The following EED variants were observed in gnomAD, a reference collection of about 807,000 sequenced individuals.
EED encodes the protein embryonic ectoderm development.
EED carries 9 observed loss-of-function variants against 61.0 expected under a neutral mutation model. The observed-to-expected ratio is 0.15, with a 90% CI of 0.09 to 0.26. The LOEUF is 0.26. Ranked by LOEUF, EED falls within the 10% of genes least tolerant of loss-of-function variation. The probability of loss-of-function intolerance (pLI) is 1.00; values close to 1 mark genes in which losing one functional copy is unlikely to be tolerated. For missense variants in EED, 315 were observed against 542.3 expected (o/e 0.58, Z 4.16); for synonymous variants, 187 against 174.4 (o/e 1.07, Z -0.57).
At chr11:86,271,356 T>G (rs1390967225) in intron 9 of EED, among the ~76,000 whole-genome samples, 1 of 152,244 alleles carries the variant, frequency 6.6e-6, no homozygotes, top group African/African-American at 2.4e-5. Context: ...ATATAATTGA[T>G]TTTTGCATAT....
At chr11:86,264,344 A>C (rs1373687722) in intron 7 of EED, 81 bp downstream of exon 7, 1 of 1,016,098 alleles carries the variant, frequency 9.8e-7, no homozygotes, top group African/African-American at 1.6e-5. Flanking sequence ...CCTTATAAGA[A>C]AGTGTGTTTC....
At chr11:86,277,585 A>G (rs115006807) in intron 10 of EED, 2,147 of 190,916 alleles carry the variant, frequency 0.011, 54 homozygotes, top group African/African-American at 0.047. Context: ...TTGGGTATTT[A>G]TTTCTGTAAG....
At chr11:86,250,227 A>G (rs1945495291) in intron 1 of EED, 69 bp from the exon 2 acceptor site, 5 of 1,343,102 alleles carry the variant, frequency 3.7e-6, no homozygotes, top group Non-Finnish European at 4.9e-6. Flanking sequence ...GCATCTTCCC[A>G]GTAGAGTTAT....
At chr11:86,260,887 A>C (rs1945809268) in intron 6 of EED, among the ~76,000 whole-genome samples, 1 of 152,182 alleles carries the variant, frequency 6.6e-6, no homozygotes, top group Admixed American at 6.5e-5. Context: ...CTGGCATTAG[A>C]AAGTAAGAAC....
chr11:86,254,611 G>C (rs1416550111), intron 3 of EED, among the ~76,000 whole-genome samples: 1 of 150,548 alleles, frequency 6.6e-6, no homozygotes, highest in East Asian at 2.0e-4. Flanking sequence ...GAGCCACTGT[G>C]TCCGGACTTA....
downstream of EED, among the ~76,000 whole-genome samples, chr11:86,280,032 A>G (rs1258522472): frequency 2.6e-5 from 4 of 152,234 alleles, no homozygotes; most frequent in Non-Finnish European, 4.4e-5. Context: ...GGGTGAGAAT[A>G]TCATCTTTCC....
chr11:86,285,461 G>T, the EED span, among the ~76,000 whole-genome samples: 4 of 152,100 alleles, frequency 2.6e-5, no homozygotes, highest in African/African-American at 9.6e-5. Flanking sequence ...TAGGTTAAAG[G>T]TACTAACTAT....
At chr11:86,276,206 A>G (rs1946225186) in intron 9 of EED, 1 of 152,202 alleles carries the variant, frequency 6.6e-6, no homozygotes, top group African/African-American at 2.4e-5. Context: ...TGACCTAGAC[A>G]GTAATATGAA....
chr11:86,267,130 G>A (rs1378566195), intron 8 of EED, among the ~76,000 whole-genome samples: 3 of 152,184 alleles, frequency 2.0e-5, no homozygotes, highest in South Asian at 2.1e-4. Flanking sequence ...ATATTTCAGA[G>A]TTTTCAAAAA....
chr11:86,269,939 A>G (rs1946073346), intron 9 of EED: 20 of 554,582 alleles, frequency 3.6e-5, no homozygotes, highest in Non-Finnish European at 6.4e-5. Flanking sequence ...GGCTATTGCA[A>G]ATAAAGCTGC....
Position 86,257,447 on chromosome 11 carries a change from A to G in EED, c.553-68A>G, listed in dbSNP as rs1945708616. 3.1e-6 allele frequency: 4 copies of G among 1,302,662 alleles called. No individual in the cohort carries two copies. In the African/African-American group the frequency reaches 4.6e-5, roughly 15 times the overall value. The allele number at this position is 1,302,662 out of a possible 1,614,324, so 80.7% of individuals were successfully genotyped here. ...AAGTGAAACTATTTTTACATTCTCTAAAGATTTATGAAAAAAAATTTACTG... is the reference window on the plus strand; with the variant it reads ...AAGTGAAACTATTTTTACATTCTCTGAAGATTTATGAAAAAAAATTTACTG... On this transcript the variant is annotated intron_variant, in intron 5 of 11. Coordinates refer to ENST00000263360, the MANE Select transcript of EED (RefSeq NM_003797.5).
downstream of EED, among the ~76,000 whole-genome samples, chr11:86,282,920 A>G (rs146848880): frequency 3.5e-4 from 54 of 152,260 alleles, no homozygotes; most frequent in Non-Finnish European, 5.3e-4. Context: ...GCTTGACCCC[A>G]GGAGTTCAAG....
At chr11:86,266,764 A>G (rs1945991532) in intron 8 of EED, among the ~76,000 whole-genome samples, 1 of 152,094 alleles carries the variant, frequency 6.6e-6, no homozygotes, top group South Asian at 2.1e-4. Context: ...CAGTTTTCTT[A>G]GTATATTTTT....
downstream of EED, among the ~76,000 whole-genome samples, chr11:86,279,015 C>G (rs899798066): frequency 1.3e-5 from 2 of 152,226 alleles, no homozygotes; most frequent in South Asian, 2.1e-4. Context: ...TCAAATGATT[C>G]GTTATGTGTG....
the EED span, among the ~76,000 whole-genome samples, chr11:86,285,513 G>A: frequency 6.6e-6 from 1 of 152,186 alleles, no homozygotes; most frequent in Non-Finnish European, 1.5e-5. Flanking sequence ...ACTGGTCGTG[G>A]TTTTAAATTT....
In EED at chr11:86,245,494, C is replaced by T. The variant is rs1049905864; in HGVS notation, c.114+151C>T. ...GCGTGCGGGAGAAAATTGAAATTGC[C>T]TACGGGGATTTTGATGTGGGGCCGA... On this transcript the variant is annotated intron_variant, in intron 1 of 11. Coordinates refer to ENST00000263360, the MANE Select transcript of EED (RefSeq NM_003797.5). 22 of 686,594 alleles carry T rather than the reference C, an allele frequency of 3.2e-5. No individual in the cohort carries two copies. In the Admixed American group the frequency reaches 5.7e-4, roughly 18 times the overall value. The allele number at this position is 686,594 out of a possible 1,614,324, so 42.5% of individuals were successfully genotyped here. A position where few individuals can be genotyped will look rare whatever the true frequency, so the allele number is the denominator to read the frequency against.
At chr11:86,284,005 C>T in the EED span, 1 of 152,152 alleles carries the variant, frequency 6.6e-6, no homozygotes, top group Non-Finnish European at 1.5e-5. Flanking sequence ...ATCGTGTCTC[C>T]CACTTTGACT....
downstream of EED, among the ~76,000 whole-genome samples, chr11:86,281,298 G>C (rs1461334819): frequency 6.6e-6 from 1 of 152,090 alleles, no homozygotes; most frequent in Non-Finnish European, 1.5e-5. Context: ...GAGAGACTTG[G>C]TGTATTAACA....
rs1353115591 is a variant in EED, at chr11:86,250,400, G to C, written c.219G>C (p.Trp73Cys). Residue 73 changes from tryptophan (W) to cysteine (C), a missense_variant, in exon 2 of 12, where the codon TGG becomes TGC. By Grantham distance (215) the Trp-to-Cys change is radical (BLOSUM62 -2). Coordinates refer to ENST00000263360, the MANE Select transcript of EED (RefSeq NM_003797.5). ...PGRKSWGKGKWKSKKCKYSFK... is the reference protein window; with the variant it reads ...PGRKSWGKGKCKSKKCKYSFK... ...GGAAAAGTTGGGGAAAGGGAAAATG[G>C]AAGTCAAAGAAATGCAAATATTCTT... The C allele has an allele frequency of 1.2e-6, 2 of 1,608,012 alleles. No homozygotes were observed.
Sources: allele counts gnomAD v4.1 joint callset (sites outside exome capture counted in the v4.1 genomes callset), GRCh38; gene constraint gnomAD v4.1.1; transcripts MANE v1.5; gene names NCBI Gene and HGNC (gene_info 2026-07-23, HGNC 2026-07-21).